Variants in BACH2 observed in about 807,000 individuals in gnomAD.
The protein encoded by BACH2 is BACH transcriptional regulator 2.
A neutral mutation model predicts 61.8 loss-of-function variants in BACH2; 5 were observed. The observed-to-expected ratio is 0.08, with a 90% CI of 0.04 to 0.17. The LOEUF is 0.17. Among genes scored for constraint, BACH2 ranks in the 10% least tolerant of loss-of-function variants. The probability of loss-of-function intolerance (pLI) is 1.00; values close to 1 mark genes in which losing one functional copy is unlikely to be tolerated. For missense variants in BACH2, 824 were observed against 1,091.1 expected (o/e 0.76, Z 3.45); for synonymous variants, 446 against 440.1 (o/e 1.01, Z -0.17).
intron 5 of BACH2, among the ~76,000 whole-genome samples, chr6:90,033,837 C>G (rs1332930534): frequency 6.6e-6 from 1 of 152,114 alleles, no homozygotes; most frequent in African/African-American, 2.4e-5. Flanking sequence ...AGAACTCAAG[C>G]TGACTAAAAG....
At chr6:90,091,404 G>T (rs544657867) in intron 4 of BACH2, among the ~76,000 whole-genome samples, 30 of 152,266 alleles carry the variant, frequency 2.0e-4, no homozygotes, top group African/African-American at 7.2e-4. Context: ...TGAAGACACA[G>T]ATAAAATACA....
chr6:90,209,077 T>G (rs58443172), intron 3 of BACH2, among the ~76,000 whole-genome samples: 14,063 of 150,826 alleles, frequency 0.093, 1,030 homozygotes, highest in East Asian at 0.37. Flanking sequence ...GGGGGAGGGA[T>G]AGCATTAGGA....
At chr6:89,941,856 A>G (rs1436619127) in intron 7 of BACH2, among the ~76,000 whole-genome samples, 1 of 152,212 alleles carries the variant, frequency 6.6e-6, no homozygotes, top group Admixed American at 6.5e-5. Flanking sequence ...TGTCTATACC[A>G]AGAGCTACTG....
chr6:90,159,123 C>A (rs755616469), intron 4 of BACH2, among the ~76,000 whole-genome samples: 3 of 152,190 alleles, frequency 2.0e-5, no homozygotes, highest in Non-Finnish European at 2.9e-5. Flanking sequence ...CTCAGATAAA[C>A]TTGTCTCTTT....
intron 6 of BACH2, among the ~76,000 whole-genome samples, chr6:89,952,328 A>G (rs1774177262): frequency 6.6e-6 from 1 of 152,194 alleles, no homozygotes; most frequent in Admixed American, 6.5e-5. Flanking sequence ...TGACCCTGCA[A>G]AAAACTAACT....
chr6:90,250,289 AT>A (rs201576482), intron 3 of BACH2, among the ~76,000 whole-genome samples: 16 of 151,598 alleles, frequency 1.1e-4, no homozygotes, highest in African/African-American at 3.6e-4. Context: ...TAAGAATACT[AT>A]TTTTTTTTCC....
At chr6:90,156,748 C>A (rs1249676464) in intron 4 of BACH2, among the ~76,000 whole-genome samples, 1 of 152,066 alleles carries the variant, frequency 6.6e-6, no homozygotes, top group East Asian at 1.9e-4. Context: ...CAAAGCCCTG[C>A]AGGAACAACA....
rs1777870965 is a variant in BACH2 at position 90,013,897 on chromosome 6, GC to G, written c.-12-5042del. 3.3e-5 allele frequency among the ~76,000 whole-genome samples: 5 copies of G among 152,050 alleles called. No homozygotes were observed. The South Asian group carries it at 1.0e-3, about 32-fold the overall frequency. On this transcript the variant is annotated intron_variant, in intron 5 of 8. Coordinates refer to ENST00000257749, the MANE Select transcript of BACH2 (RefSeq NM_021813.4). ...TGGGCTCAAGCAATCTCCTGCCTCT[GC>G]CTCCTGAGTAGCTAGGACTACAGGT...
chr6:90,296,418 C>T (rs914935151), intron 1 of BACH2, 62 bp downstream of exon 1: 1 of 150,946 alleles, frequency 6.6e-6, no homozygotes, highest in Non-Finnish European at 1.5e-5. Context: ...CCGCTCCCCC[C>T]GCAAACTTGC....
chr6:90,172,642 C>T (rs1009889957), intron 4 of BACH2, among the ~76,000 whole-genome samples: 3 of 151,964 alleles, frequency 2.0e-5, no homozygotes, highest in Non-Finnish European at 4.4e-5. Flanking sequence ...AAGTGTATAC[C>T]TAGCAAAACT....
chr6:90,102,212 G>T (rs1782658129), intron 4 of BACH2, among the ~76,000 whole-genome samples: 1 of 151,870 alleles, frequency 6.6e-6, no homozygotes, highest in Non-Finnish European at 1.5e-5. Flanking sequence ...CCTGCTTTTG[G>T]GTTATGGTCT....
At chr6:90,173,525 A>G (rs920816410) in intron 4 of BACH2, among the ~76,000 whole-genome samples, 1 of 152,204 alleles carries the variant, frequency 6.6e-6, no homozygotes, top group Non-Finnish European at 1.5e-5. Context: ...GTGTAACAGC[A>G]TAAATGAATC....
intron 4 of BACH2, among the ~76,000 whole-genome samples, chr6:90,167,163 C>T (rs960872535): frequency 1.3e-5 from 2 of 152,166 alleles, no homozygotes; most frequent in African/African-American, 4.8e-5. Flanking sequence ...CTGATGTCAA[C>T]TCCTATTTGT....
chr6:90,087,467 C>G (rs4706356), intron 5 of BACH2, among the ~76,000 whole-genome samples: 38,440 of 151,962 alleles, frequency 0.25, 5,951 homozygotes, highest in East Asian at 0.67. Context: ...TATCTATTCA[C>G]AGGTACACAT....
At chr6:90,103,667 C>T (rs1355873593) in intron 4 of BACH2, among the ~76,000 whole-genome samples, 2 of 152,080 alleles carry the variant, frequency 1.3e-5, no homozygotes, top group Non-Finnish European at 2.9e-5. Flanking sequence ...TAAAGTACTT[C>T]CTTGTGTAAA....
intron 4 of BACH2, among the ~76,000 whole-genome samples, chr6:90,139,797 G>T (rs1784403779): frequency 6.6e-6 from 1 of 152,128 alleles, no homozygotes; most frequent in Admixed American, 6.5e-5. Context: ...TTTAGCTAAT[G>T]AGACTAGAGA....
At chr6:89,960,904 T>C (rs1269596943) in intron 6 of BACH2, among the ~76,000 whole-genome samples, 1 of 152,158 alleles carries the variant, frequency 6.6e-6, no homozygotes, top group African/African-American at 2.4e-5. Flanking sequence ...AAACTGCCCC[T>C]TAGGTATTTC....
Position 89,951,429 on chromosome 6 carries a change from G to A in BACH2, c.677C>T (p.Thr226Met), listed in dbSNP as rs376581332. Reference protein sequence around the residue: ...TKESSEKDALTQYPRYKKYQL... With the variant: ...TKESSEKDALMQYPRYKKYQL... ...GTATTTCTTGTATCTGGGGTACTGC[G>A]TTAACGCGTCCTTTTCTGAGCTCTC... Residue 226 changes from threonine to methionine, a missense_variant, in exon 7 of 9, where the codon ACG becomes ATG. Physicochemically the swap from Thr to Met is moderately conservative, Grantham distance 81. Coordinates refer to ENST00000257749, the MANE Select transcript of BACH2 (RefSeq NM_021813.4). This position sits in a 1 kb window ranked among gnomAD's most constrained non-coding sequence, Gnocchi z 6.4. The A allele has an allele frequency of 1.8e-5, 29 of 1,614,214 alleles. No individual in the cohort carries two copies. The highest frequency in any genetic ancestry group is 5.5e-5 in the South Asian group (5 of 91,086).
chr6:90,244,319 T>C (rs932309922), intron 3 of BACH2, among the ~76,000 whole-genome samples: 1 of 152,236 alleles, frequency 6.6e-6, no homozygotes, highest in African/African-American at 2.4e-5. Flanking sequence ...CCAGATGGTA[T>C]TCAAGGGCTT....
Sources: gnomAD v4.1 joint callset for allele counts (sites outside exome capture counted in the v4.1 genomes callset) on GRCh38, gnomAD v4.1.1 for gene constraint, Gnocchi (gnomAD v3.1) non-coding constraint, MANE v1.5 for transcripts, NCBI Gene and HGNC (gene_info 2026-07-23, HGNC 2026-07-21) for gene names.